Variants in TRAF7 observed in about 807,000 individuals in gnomAD.
TRAF7 encodes E3 ubiquitin-protein ligase TRAF7.
Under a neutral mutation model 89.3 loss-of-function variants are expected in TRAF7, and 45 were observed. The observed-to-expected ratio is 0.50, with a 90% CI of 0.40 to 0.65. The LOEUF (loss-of-function observed/expected upper bound fraction) is 0.65. Among genes scored for constraint, TRAF7 ranks in the 30% least tolerant of loss-of-function variants. The pLI is 0.00. For synonymous variants in TRAF7, 406 were observed against 369.2 expected, an observed-to-expected ratio of 1.10 and a Z score of -1.14; for missense variants, 677 against 918.1, an observed-to-expected ratio of 0.74 and a Z score of 3.39.
intron 4 of TRAF7, among the ~76,000 whole-genome samples, chr16:2,169,314 C>A (rs1016770898): frequency 6.6e-6 from 1 of 152,200 alleles, no homozygotes; most frequent in Non-Finnish European, 1.5e-5. Flanking sequence ...ATTGAACAAA[C>A]ACACCTGTGT....
In TRAF7 at chr16:2,162,628, C is replaced by G. The variant is rs1002655358; in HGVS notation, c.-38-1255C>G. Among the ~76,000 whole-genome samples, 1 of 152,012 alleles carries G rather than the reference C, an allele frequency of 6.6e-6. No individual in the cohort carries two copies. The highest frequency in any genetic ancestry group is 1.5e-5 in the Non-Finnish European group (1 of 67,960). On this transcript the variant is annotated intron_variant, in intron 1 of 20. Coordinates refer to ENST00000326181, the MANE Select transcript of TRAF7 (RefSeq NM_032271.3). This position sits in a 1 kb window ranked among gnomAD's most constrained non-coding sequence, Gnocchi z 5.0. Reference sequence around the variant, plus strand: ...GGCTTCCCCAGGGTGAGAGCAGGGCCGCAGGAGTGGGCTCCCTGCTGCTGC... The same window carrying G: ...GGCTTCCCCAGGGTGAGAGCAGGGCGGCAGGAGTGGGCTCCCTGCTGCTGC...
intron 2 of TRAF7, among the ~76,000 whole-genome samples, chr16:2,164,718 G>A (rs374756056): frequency 2.9e-5 from 4 of 138,884 alleles, no homozygotes; most frequent in South Asian, 2.3e-4. Context: ...GCGTGGCGCG[G>A]CCTGGTCGCA....
At chr16:2,176,421 C>T in intron 20 of TRAF7, 37 bp downstream of exon 20, 1 of 1,611,750 alleles carries the variant, frequency 6.2e-7, no homozygotes, top group Non-Finnish European at 8.5e-7. Context: ...AAAGGGGCTG[C>T]ACAGGATGGA....
In TRAF7 at chr16:2,177,076, G is replaced by C; in HGVS notation, c.*502G>C. ...GGACCCCAGGACTTCGGCCCACTCC[G>C]GGGCCTCCCCTCCCTGCTAGGAGGC... On this transcript the variant is annotated 3_prime_UTR_variant, in exon 21 of 21. Transcript: ENST00000326181. 3.5e-6 allele frequency: 1 copy of C among 282,654 alleles called. No individual in the cohort carries two copies. The highest frequency in any genetic ancestry group is 5.1e-5 in the East Asian group (1 of 19,584). 17.5% of individuals were successfully genotyped at this position (282,654 alleles called of 1,614,324 possible).
At chr16:2,172,909 AG>A (rs2093119360) in intron 9 of TRAF7, among the ~76,000 whole-genome samples, 1 of 151,614 alleles carries the variant, frequency 6.6e-6, no homozygotes, top group Non-Finnish European at 1.5e-5. Context: ...CAGGGCAGGG[AG>A]GTGGGCAGGG....
intron 2 of TRAF7, among the ~76,000 whole-genome samples, 191 bp downstream of exon 2, chr16:2,164,192 G>C (rs574886081): frequency 1.5e-4 from 23 of 148,980 alleles, no homozygotes; most frequent in Non-Finnish European, 3.1e-4. Flanking sequence ...ACGCGTGCGT[G>C]TGTGGTTGGG....
In TRAF7 at chr16:2,162,160, C is replaced by G. The variant is rs542974648; in HGVS notation, c.-38-1723C>G. Reference sequence around the variant, plus strand: ...CAGGGGCTGAGATGTCGGGTTGAGCCCGAGTCCTGAAGGCTGAGTGGCTCC... The same window carrying G: ...CAGGGGCTGAGATGTCGGGTTGAGCGCGAGTCCTGAAGGCTGAGTGGCTCC... On this transcript the variant is annotated intron_variant, in intron 1 of 20. Transcript: ENST00000326181. This position sits in a 1 kb window ranked among gnomAD's most constrained non-coding sequence, Gnocchi z 5.0. Among the ~76,000 whole-genome samples the G allele has an allele frequency of 1.3e-5, 2 of 152,348 alleles. No homozygotes were observed. Among genetic ancestry groups the G allele is most frequent in the Non-Finnish European group, 2.9e-5 (2 of 68,022 alleles).
intron 3 of TRAF7, among the ~76,000 whole-genome samples, chr16:2,167,276 C>T (rs2141278515): frequency 6.6e-6 from 1 of 152,244 alleles, no homozygotes; most frequent in East Asian, 1.9e-4. Flanking sequence ...CTCACCTGGC[C>T]CCTCATGACA....
At chr16:2,164,397 C>T (rs952818750) in intron 2 of TRAF7, among the ~76,000 whole-genome samples, 25 of 129,746 alleles carry the variant, frequency 1.9e-4, no homozygotes, top group East Asian at 9.3e-4. Flanking sequence ...GCGGCCTGGT[C>T]GCATGGTTAA....
chr16:2,173,733 C>T, intron 11 of TRAF7, 55 bp from the exon 12 acceptor site: 2 of 1,601,758 alleles, frequency 1.2e-6, no homozygotes, highest in Non-Finnish European at 1.7e-6. Context: ...AGAGGCTGCA[C>T]TGGCCCCACA....
chr16:2,157,172 C>T (rs919971122), intron 1 of TRAF7, among the ~76,000 whole-genome samples: 1 of 152,188 alleles, frequency 6.6e-6, no homozygotes, highest in Non-Finnish European at 1.5e-5. Context: ...TCTCTTTGGG[C>T]CTCTCCCTTC....
At chr16:2,170,207 C>T (rs1023133526) in intron 4 of TRAF7, among the ~76,000 whole-genome samples, 2 of 152,256 alleles carry the variant, frequency 1.3e-5, no homozygotes, top group African/African-American at 4.8e-5. Flanking sequence ...TCGCTCCCTG[C>T]CAGCATTCCT....
At chr16:2,173,863 G>GGCCCCCCCCCCCCCCCCC in intron 12 of TRAF7, 27 bp downstream of exon 12, 1 of 894,638 alleles carries the variant, frequency 1.1e-6, no homozygotes, top group South Asian at 1.9e-5. Flanking sequence ...CGTGGCTCCC[G>GGCCCCCCCCCCCCCCCCC]CCCACCCTCC....
rs989959164 is a variant in TRAF7 at position 2,159,758 on chromosome 16, C to T, written c.-39+3900C>T. Among the ~76,000 whole-genome samples, 2 of 152,216 alleles carry T rather than the reference C, an allele frequency of 1.3e-5. No individual in the cohort carries two copies. The highest frequency in any genetic ancestry group is 4.8e-5 in the African/African-American group (2 of 41,458). ...CACAGGCACACCCACCCATGGCTTG[C>T]GCCCCACACATGTTCAGGGGACCCC... is the stretch of plus-strand genomic sequence containing the variant. On this transcript the variant is annotated intron_variant, in intron 1 of 20. Transcript: ENST00000326181. The surrounding 1 kb of genome is among the most constrained non-coding windows in gnomAD (Gnocchi z 6.5).
Position 2,176,090 on chromosome 16 carries a change from G to A in TRAF7, c.1788G>A (p.Thr596=), listed in dbSNP as rs375832596. The change falls in exon 19 of 21, where the codon ACG becomes ACA. Residue 596 remains threonine, a synonymous_variant. Transcript: ENST00000326181. The stretch of plus-strand genomic sequence containing the variant: ...CCAAGGAGCAGGTGCGGACCCTCAC[G>A]GGCCACGTGGGCACCGTGTATGCCC... ...IESKEQVRTL[T]GHVGTVYALA... 7 of 1,610,898 alleles carry A rather than the reference G, an allele frequency of 4.3e-6. No homozygotes were observed. Among genetic ancestry groups the A allele is most frequent in the Admixed American group, 3.3e-5 (2 of 59,910 alleles).
rs1479103256 is a variant in TRAF7, at chr16:2,175,416, A to G, written c.1502A>G (p.Lys501Arg). The G allele has an allele frequency of 6.2e-7, 1 of 1,613,436 alleles. No individual in the cohort carries two copies. Among genetic ancestry groups the G allele is most frequent in the South Asian group, 1.1e-5 (1 of 91,080 alleles). Reference protein sequence around the residue: ...VLFSGSLKAIKVWDIVGTELK... With the variant: ...VLFSGSLKAIRVWDIVGTELK... The stretch of plus-strand genomic sequence containing the variant: ...TTCAGCGGCTCCCTGAAGGCCATCA[A>G]GGTACGGGTGGAGGCTGTGCCTACG... The change falls in exon 16 of 21, where the codon AAG becomes AGG. Residue 501 changes from lysine to arginine, a missense_variant and splice_region_variant. By Grantham distance (26) the Lys-to-Arg change is conservative. Around this residue, in one of 6 missense-constraint regions of TRAF7, gnomAD observed 160 missense variants for 263.7 expected, o/e 0.61. Transcript: ENST00000326181.
intron 7 of TRAF7, 138 bp from the exon 8 acceptor site, chr16:2,172,053 C>G: frequency 1.0e-6 from 1 of 1,002,656 alleles, no homozygotes; most frequent in Non-Finnish European, 1.5e-6. Context: ...TGGTGGCCCA[C>G]CTGTGCCCCC....
intron 1 of TRAF7, among the ~76,000 whole-genome samples, 178 bp downstream of exon 1, chr16:2,156,036 C>A (rs1475519072): frequency 6.6e-6 from 1 of 151,812 alleles, no homozygotes; most frequent in Non-Finnish European, 1.5e-5. Flanking sequence ...GGGTCCGCGT[C>A]GCTGTCCGTC....
chr16:2,164,554 G>T (rs564909460), intron 2 of TRAF7, among the ~76,000 whole-genome samples: 7 of 137,362 alleles, frequency 5.1e-5, no homozygotes, highest in Admixed American at 2.1e-4. Context: ...GCGTGGCCTG[G>T]CCTGGTCGCA....
Sources: gnomAD v4.1 joint callset for allele counts (sites outside exome capture counted in the v4.1 genomes callset) on GRCh38, gnomAD v4.1.1 for gene constraint, gnomAD v4.1.1 regional missense constraint, Gnocchi (gnomAD v3.1) non-coding constraint, MANE v1.5 for transcripts, NCBI Gene and HGNC (gene_info 2026-07-23, HGNC 2026-07-21) for gene names.